Variants in RBMS3 observed in about 807,000 individuals in gnomAD.
RBMS3 encodes the protein RNA-binding motif, single-stranded-interacting protein 3.
A neutral mutation model predicts 66.8 loss-of-function variants in RBMS3; 27 were observed. The observed-to-expected ratio is 0.40, with a 90% CI of 0.30 to 0.56. RBMS3 has a LOEUF of 0.56. RBMS3 is among the 20% of genes least tolerant of loss of function. RBMS3 has a pLI of 0.40. For synonymous variants in RBMS3, 188 were observed against 183.0 expected, an observed-to-expected ratio of 1.03 and a Z score of -0.22; for missense variants, 513 against 549.5, an observed-to-expected ratio of 0.93 and a Z score of 0.66.
intron 2 of RBMS3, among the ~76,000 whole-genome samples, chr3:29,440,047 T>C (rs2041557393): frequency 6.6e-6 from 1 of 152,192 alleles, no homozygotes; most frequent in Non-Finnish European, 1.5e-5. Context: ...ATATTTGTAG[T>C]GTAATGATTT....
At chr3:29,472,374 T>G (rs1156539906) in intron 2 of RBMS3, among the ~76,000 whole-genome samples, 2 of 152,058 alleles carry the variant, frequency 1.3e-5, no homozygotes, top group Non-Finnish European at 2.9e-5. Flanking sequence ...TTTTGTATTT[T>G]TAGTAGAGAT....
chr3:29,294,540 A>G (rs182613230), intron 1 of RBMS3, among the ~76,000 whole-genome samples: 84 of 151,970 alleles, frequency 5.5e-4, no homozygotes, highest in African/African-American at 2.0e-3. Context: ...TTCAAAGACA[A>G]ACTAAGTAGC....
chr3:29,790,579 T>C (rs1425395798), intron 6 of RBMS3, among the ~76,000 whole-genome samples: 2 of 152,152 alleles, frequency 1.3e-5, no homozygotes, highest in Non-Finnish European at 2.9e-5. Context: ...TAAGCCTACA[T>C]AGATGTCAGA....
chr3:29,635,559 C>G (rs1309343719), intron 4 of RBMS3, among the ~76,000 whole-genome samples: 1 of 151,872 alleles, frequency 6.6e-6, no homozygotes, highest in African/African-American at 2.4e-5. Flanking sequence ...CCTGGTTGTT[C>G]TCCTTGCTTC....
intron 3 of RBMS3, among the ~76,000 whole-genome samples, chr3:29,546,177 C>CATT (rs2045942558): frequency 6.7e-6 from 1 of 149,516 alleles, no homozygotes; most frequent in African/African-American, 2.5e-5. Flanking sequence ...TGCACATACA[C>CATT]ATTTATTTTT....
intron 6 of RBMS3, among the ~76,000 whole-genome samples, chr3:29,861,621 G>T (rs1440695089): frequency 6.6e-6 from 1 of 152,152 alleles, no homozygotes; most frequent in African/African-American, 2.4e-5. Context: ...ATTTTAAATT[G>T]TAAACAGAAA....
chr3:29,549,791 A>G (rs977372301), intron 3 of RBMS3, among the ~76,000 whole-genome samples: 12 of 150,226 alleles, frequency 8.0e-5, no homozygotes, highest in African/African-American at 2.2e-4. Flanking sequence ...TGCACAGAGA[A>G]AAAAAAAATC....
intron 6 of RBMS3, among the ~76,000 whole-genome samples, chr3:29,834,756 A>G (rs143592277): frequency 5.2e-4 from 79 of 152,168 alleles, no homozygotes; most frequent in African/African-American, 1.8e-3. Flanking sequence ...AAAACAATTG[A>G]CAAAAGGGCA....
At chr3:29,383,405 C>G (rs899941947) in intron 1 of RBMS3, among the ~76,000 whole-genome samples, 6 of 152,090 alleles carry the variant, frequency 3.9e-5, no homozygotes, top group South Asian at 2.1e-4. Context: ...TTTCCTAATG[C>G]TACTTACCCC....
Position 29,508,900 on chromosome 3 carries a change from C to T in RBMS3, c.307+20401C>T, listed in dbSNP as rs147510521. On this transcript the variant is annotated intron_variant, in intron 3 of 14. Transcript: ENST00000383767. ...TTTTAATGATCGCCATTCTAACTGG[C>T]GCGAGATGGTATCTCATGGTGGTTT... Among the ~76,000 whole-genome samples, 355 of 136,728 alleles carry T rather than the reference C, an allele frequency of 2.6e-3. 7 individuals are homozygous for T. The highest frequency in any genetic ancestry group is 9.3e-3 in the African/African-American group (339 of 36,296). The allele number at this position is 136,728 out of a possible 152,430, so 89.7% of individuals were successfully genotyped here.
rs1315880405 is a variant in RBMS3, at chr3:29,308,876, T to C, written c.75+27120T>C. ...GAATGCCATGGTAAGGATGCTGATA[T>C]ATTTTATCTGGAAGATGATGAGCTC... On this transcript the variant is annotated intron_variant, in intron 1 of 14. Coordinates refer to ENST00000383767, the MANE Select transcript of RBMS3 (RefSeq NM_001003793.3). Among the ~76,000 whole-genome samples, 7 of 151,298 alleles carry C rather than the reference T, an allele frequency of 4.6e-5. No individual in the cohort carries two copies. In the Admixed American group the frequency reaches 4.6e-4, roughly 10 times the overall value.
At chr3:29,826,423 G>A (rs560504672) in intron 6 of RBMS3, among the ~76,000 whole-genome samples, 13 of 151,956 alleles carry the variant, frequency 8.6e-5, no homozygotes, top group South Asian at 2.1e-4. Context: ...TCTTCTTATC[G>A]CCATCTATTA....
At chr3:29,418,261 G>GCAGAATATACT (rs2040561633) in intron 1 of RBMS3, among the ~76,000 whole-genome samples, 1 of 152,084 alleles carries the variant, frequency 6.6e-6, no homozygotes, top group South Asian at 2.1e-4. Context: ...TAAAATAAGT[G>GCAGAATATACT]CAGAATATAC....
At chr3:29,884,043 G>T in intron 7 of RBMS3, 119 bp from the exon 8 acceptor site, 1 of 857,272 alleles carries the variant, frequency 1.2e-6, no homozygotes, top group South Asian at 1.7e-5. Context: ...ATATACATAG[G>T]AGAAAATAAA....
At chr3:29,359,464 A>G (rs2037430049) in intron 1 of RBMS3, among the ~76,000 whole-genome samples, 1 of 151,986 alleles carries the variant, frequency 6.6e-6, no homozygotes, top group Non-Finnish European at 1.5e-5. Flanking sequence ...TTTATTGAGG[A>G]TTTTTGCATC....
At chr3:29,325,033 T>C (rs1489653078) in intron 1 of RBMS3, among the ~76,000 whole-genome samples, 1 of 152,156 alleles carries the variant, frequency 6.6e-6, no homozygotes, top group Admixed American at 6.5e-5. Flanking sequence ...AACAAGAGAA[T>C]ATTGGAAACA....
At chr3:29,715,319 ATTCATGG>A (rs2053345862) in intron 4 of RBMS3, among the ~76,000 whole-genome samples, 1 of 152,174 alleles carries the variant, frequency 6.6e-6, no homozygotes, top group East Asian at 1.9e-4. Context: ...AATATGCTTC[ATTCATGG>A]CTGAGAAAAG....
intron 8 of RBMS3, among the ~76,000 whole-genome samples, chr3:29,894,051 C>T (rs933458616): frequency 2.6e-5 from 4 of 151,508 alleles, no homozygotes; most frequent in South Asian, 4.1e-4. Context: ...ACATTGTATT[C>T]GTCAGTTCAG....
intron 1 of RBMS3, among the ~76,000 whole-genome samples, chr3:29,407,415 C>T (rs1474090522): frequency 2.0e-5 from 3 of 152,122 alleles, no homozygotes; most frequent in African/African-American, 7.2e-5. Flanking sequence ...CATTCTGTGG[C>T]TGAACATTAA....
Sources: allele counts gnomAD v4.1 joint callset (sites outside exome capture counted in the v4.1 genomes callset), GRCh38; gene constraint gnomAD v4.1.1; transcripts MANE v1.5; gene names NCBI Gene and HGNC (gene_info 2026-07-23, HGNC 2026-07-21).